Variants in FMNL3 observed in about 807,000 individuals in gnomAD.
FMNL3 encodes formin like 3.
In FMNL3, 57 loss-of-function variants were observed where a neutral mutation model predicts 119.6. The ratio of observed to expected loss-of-function variants is 0.48; its 90% CI spans 0.39 to 0.59. The LOEUF is 0.59. Ranked by LOEUF, FMNL3 falls within the 20% of genes least tolerant of loss-of-function variation. The pLI is 0.00. For missense variants in FMNL3, 1,053 were observed against 1,323.5 expected, an observed-to-expected ratio of 0.80 and a Z score of 3.17; for synonymous variants, 491 against 507.3, an observed-to-expected ratio of 0.97 and a Z score of 0.43.
intron 11 of FMNL3, 39 bp downstream of exon 11, chr12:49,654,153 C>T (rs765134551): frequency 1.9e-6 from 3 of 1,568,584 alleles, no homozygotes; most frequent in Admixed American, 1.7e-5. Flanking sequence ...TAAACTGATC[C>T]CAAAGCACCT....
At chr12:49,656,272 A>G in intron 9 of FMNL3, 132 bp downstream of exon 9, 1 of 643,782 alleles carries the variant, frequency 1.6e-6, no homozygotes, top group South Asian at 2.0e-5. Flanking sequence ...GGAGTTCAGG[A>G]GAGAGGCTGC....
chr12:49,646,643 C>A, intron 25 of FMNL3: 2 of 1,524,638 alleles, frequency 1.3e-6, no homozygotes, highest in South Asian at 2.4e-5. Flanking sequence ...CAGTACCTGT[C>A]GGGCCCCAAC....
In FMNL3 at chr12:49,642,561, A is replaced by G; in HGVS notation, c.*3254T>C. On this transcript the variant is annotated 3_prime_UTR_variant, in exon 26 of 26. Transcript: ENST00000335154. The surrounding 1 kb of genome is among the most constrained non-coding windows in gnomAD (Gnocchi z 5.8). ...CTGAGTGGGGCCTAGTCTGATCAGC[A>G]GTGCTCTCCTCGTTCAAGGTCCGTG... is the stretch of plus-strand genomic sequence containing the variant. 6.2e-7 allele frequency: 1 copy of G among 1,613,704 alleles called. No homozygotes were observed. Among genetic ancestry groups the G allele is most frequent in the South Asian group, 1.1e-5 (1 of 91,052 alleles).
Position 49,645,547 on chromosome 12 carries a change from G to A in FMNL3, c.*268C>T. 2.2e-6 allele frequency: 1 copy of A among 451,660 alleles called. No individual in the cohort carries two copies. Among genetic ancestry groups the A allele is most frequent in the Non-Finnish European group, 3.9e-6 (1 of 256,306 alleles). The allele number at this position is 451,660 out of a possible 1,614,324, so 28.0% of individuals were successfully genotyped here. A position where few individuals can be genotyped will look rare whatever the true frequency, so the allele number is the denominator to read the frequency against. ...CCCTGTTTAGGCTAAGGCTGGAAAT[G>A]GTTTTTCCTAGCCCTGAGCTGACCC... On this transcript the variant is annotated 3_prime_UTR_variant, in exon 26 of 26. Transcript: ENST00000335154.
At position 49,656,479 on chromosome 12, in the gene FMNL3, T is replaced by C; in HGVS notation, c.810A>G (p.Leu270=). ...NKNPRTKALV[L]ELLAAVCLVR... ...CCAAACACACAGCTGCCAGAAGCTCTAAGACAAGGGCTTTGGTCCTAAGGG... is the reference window on the plus strand; with the variant it reads ...CCAAACACACAGCTGCCAGAAGCTCCAAGACAAGGGCTTTGGTCCTAAGGG... Residue 270 remains leucine (L), a synonymous_variant, in exon 9 of 26, where the codon TTA becomes TTG. Coordinates refer to ENST00000335154, the MANE Select transcript of FMNL3 (RefSeq NM_175736.5). 6.2e-7 allele frequency: 1 copy of C among 1,614,066 alleles called. No homozygotes were observed. The highest frequency in any genetic ancestry group is 8.5e-7 in the Non-Finnish European group (1 of 1,179,956).
chr12:49,680,752 A>G (rs894147818), intron 1 of FMNL3, among the ~76,000 whole-genome samples: 1 of 152,228 alleles, frequency 6.6e-6, no homozygotes, highest in African/African-American at 2.4e-5. Flanking sequence ...GATGAAAAAC[A>G]TTACTACTCA....
rs201538338 is a variant in FMNL3, at chr12:49,637,763, A to C, written c.*8052T>G. On this transcript the variant is annotated 3_prime_UTR_variant, in exon 26 of 26. Coordinates refer to ENST00000335154, the MANE Select transcript of FMNL3 (RefSeq NM_175736.5). ...ACCCCTCTGGACTTATTCAAGTTCTATGTGGAGGAGTTGAAGGCACGATTC... is the reference window on the plus strand; with the variant it reads ...ACCCCTCTGGACTTATTCAAGTTCTCTGTGGAGGAGTTGAAGGCACGATTC... 6.2e-7 allele frequency: 1 copy of C among 1,603,982 alleles called. No homozygotes were observed. Among genetic ancestry groups the C allele is most frequent in the African/African-American group, 1.4e-5 (1 of 73,096 alleles).
intron 1 of FMNL3, among the ~76,000 whole-genome samples, chr12:49,688,138 G>A (rs1944515236): frequency 6.6e-6 from 1 of 152,210 alleles, no homozygotes; most frequent in African/African-American, 2.4e-5. Flanking sequence ...AAACACTGGG[G>A]CCAGCCTAGC....
chr12:49,660,459 A>AT (rs553245166), intron 5 of FMNL3, among the ~76,000 whole-genome samples: 6 of 152,272 alleles, frequency 3.9e-5, no homozygotes, highest in East Asian at 1.9e-4. Context: ...TATAAAAAGA[A>AT]TTTTTTTTAG....
intron 1 of FMNL3, among the ~76,000 whole-genome samples, chr12:49,703,613 G>A (rs1465748015): frequency 6.6e-6 from 1 of 152,142 alleles, no homozygotes; most frequent in Non-Finnish European, 1.5e-5. Flanking sequence ...GCTGCCCCTA[G>A]GAATAAGGGG....
chr12:49,689,630 G>C (rs140121686), intron 1 of FMNL3, among the ~76,000 whole-genome samples: 1 of 152,180 alleles, frequency 6.6e-6, no homozygotes, highest in Non-Finnish European at 1.5e-5. Context: ...AATGGAGGAC[G>C]GCTTGAGCCT....
intron 1 of FMNL3, among the ~76,000 whole-genome samples, chr12:49,669,831 CAACAA>C (rs58452472): frequency 0.024 from 3,501 of 147,684 alleles, 70 homozygotes; most frequent in African/African-American, 0.056. Context: ...GATTCTATCT[CAACAA>C]AACAAAACAA....
chr12:49,703,584 G>A (rs987473359), intron 1 of FMNL3, among the ~76,000 whole-genome samples: 1 of 151,946 alleles, frequency 6.6e-6, no homozygotes, highest in Non-Finnish European at 1.5e-5. Flanking sequence ...CATCCAGAGG[G>A]GACTGACTGG....
At chr12:49,687,323 A>C (rs1307432648) in intron 1 of FMNL3, among the ~76,000 whole-genome samples, 1 of 127,396 alleles carries the variant, frequency 7.8e-6, no homozygotes, top group Non-Finnish European at 1.7e-5. Flanking sequence ...TGATCTCTTG[A>C]CCTCGTGATC....
chr12:49,687,096 CTTT>C (rs35284603), intron 1 of FMNL3, among the ~76,000 whole-genome samples: 20 of 142,324 alleles, frequency 1.4e-4, no homozygotes, highest in African/African-American at 3.3e-4. Flanking sequence ...TTCCCCATTC[CTTT>C]TTTTTTTTTT....
At chr12:49,651,562 CAGAGAA>C (rs1170864639) in intron 14 of FMNL3, 112 bp from the exon 15 acceptor site, 1 of 890,000 alleles carries the variant, frequency 1.1e-6, no homozygotes, top group Non-Finnish European at 1.6e-6. Context: ...AAAAAACTCT[CAGAGAA>C]GGAGCCTACA....
chr12:49,647,044 C>T lies in FMNL3; in HGVS notation c.2872-35G>A. ...AGAATGTGGAGGGGAAGGAAGTCATCACTAACCTAATGTGGGACTGGTTCC... is the reference window on the plus strand; with the variant it reads ...AGAATGTGGAGGGGAAGGAAGTCATTACTAACCTAATGTGGGACTGGTTCC... On this transcript the variant is annotated intron_variant, in intron 24 of 25. Transcript: ENST00000335154. The surrounding 1 kb of genome is among the most constrained non-coding windows in gnomAD (Gnocchi z 4.9). The T allele has an allele frequency of 6.2e-7, 1 of 1,613,410 alleles. No homozygotes were observed. The highest frequency in any genetic ancestry group is 2.2e-5 in the East Asian group (1 of 44,870).
intron 1 of FMNL3, among the ~76,000 whole-genome samples, chr12:49,693,225 A>T (rs1338082004): frequency 6.6e-6 from 1 of 152,162 alleles, no homozygotes; most frequent in Non-Finnish European, 1.5e-5. Context: ...GGAGATAGGG[A>T]TAAGAGAGGA....
At chr12:49,686,861 T>A (rs1345916765) in intron 1 of FMNL3, among the ~76,000 whole-genome samples, 1 of 152,114 alleles carries the variant, frequency 6.6e-6, no homozygotes, top group Admixed American at 6.5e-5. Context: ...CCAGGAAGAA[T>A]CAACCACAGG....
Sources: gnomAD v4.1 joint callset for allele counts (sites outside exome capture counted in the v4.1 genomes callset) on GRCh38, gnomAD v4.1.1 for gene constraint, Gnocchi (gnomAD v3.1) non-coding constraint, MANE v1.5 for transcripts, NCBI Gene and HGNC (gene_info 2026-07-23, HGNC 2026-07-21) for gene names.